The following MDM1 variants were observed in gnomAD, a reference collection of about 807,000 sequenced individuals.
The protein encoded by MDM1 is stabilizer of axonemal microtubules 6, also known as Mdm1 nuclear protein.
A neutral mutation model predicts 89.1 loss-of-function variants in MDM1; 61 were observed. The ratio of observed to expected loss-of-function variants is 0.68; its 90% CI spans 0.56 to 0.85. The LOEUF is 0.85. Among genes scored for constraint, MDM1 ranks in the 40% least tolerant of loss-of-function variants. The pLI, the probability that MDM1 is intolerant of heterozygous loss-of-function variation, is 0.00. For missense variants in MDM1, 820 were observed against 846.5 expected (o/e 0.97, Z 0.39); for synonymous variants, 290 against 294.1 (o/e 0.99, Z 0.14).
intron 10 of MDM1, 86 bp downstream of exon 10, chr12:68,314,862 A>C: frequency 1.7e-6 from 2 of 1,159,992 alleles, no homozygotes; most frequent in Non-Finnish European, 2.5e-6. Context: ...ATAAAATCAA[A>C]AGAGTAAACC....
At chr12:68,321,071 A>C in intron 7 of MDM1, 1 of 299,690 alleles carries the variant, frequency 3.3e-6, no homozygotes, top group Non-Finnish European at 6.1e-6. Context: ...TAATGATACA[A>C]TTCTATAAAT....
At chr12:68,311,212 G>A (rs963197969) in intron 12 of MDM1, among the ~76,000 whole-genome samples, 1 of 152,006 alleles carries the variant, frequency 6.6e-6, no homozygotes, top group African/African-American at 2.4e-5. Flanking sequence ...CTGCACTTCT[G>A]CAGCCAAACA....
intron 1 of MDM1, among the ~76,000 whole-genome samples, chr12:68,331,476 A>C (rs530878274): frequency 6.6e-6 from 1 of 152,298 alleles, no homozygotes; most frequent in Admixed American, 6.5e-5. Flanking sequence ...TTACCCTTTC[A>C]CTGATTATCT....
intron 14 of MDM1, among the ~76,000 whole-genome samples, chr12:68,296,290 G>A (rs1215350587): frequency 6.6e-6 from 1 of 152,218 alleles, no homozygotes. Context: ...ACAAGGTCAG[G>A]AGTTTGAGAC....
intron 14 of MDM1, among the ~76,000 whole-genome samples, chr12:68,296,295 T>C (rs548783931): frequency 1.5e-4 from 23 of 152,246 alleles, no homozygotes; most frequent in East Asian, 9.7e-4. Context: ...GTCAGGAGTT[T>C]GAGACCATCC....
At chr12:68,318,363 C>T (rs1874765663) in intron 7 of MDM1, among the ~76,000 whole-genome samples, 1 of 152,082 alleles carries the variant, frequency 6.6e-6, no homozygotes, top group Non-Finnish European at 1.5e-5. Context: ...TCCATGTACA[C>T]AGTCATCCAG....
intron 10 of MDM1, among the ~76,000 whole-genome samples, chr12:68,314,193 C>A (rs1484109407): frequency 6.8e-6 from 1 of 147,272 alleles, no homozygotes; most frequent in Non-Finnish European, 1.5e-5. Flanking sequence ...AAAAAAATAA[C>A]CACCAAATCC....
chr12:68,321,565 G>C lies in MDM1; in HGVS notation c.865C>G (p.Pro289Ala). ...AEMELKDLHQ[P>A]KRKLTPWKHQ... ...TTCCAAGGAGTAAGCTTCCTTTTAG[G>C]CTGGTGTAAGTCTTTTAATTCCATC... is the stretch of plus-strand genomic sequence containing the variant. Residue 289 changes from proline to alanine, a missense_variant, in exon 6 of 15, where the codon CCT becomes GCT. By Grantham distance (27) the Pro-to-Ala change is conservative (BLOSUM62 -1). Coordinates refer to ENST00000682720, the MANE Select transcript of MDM1 (RefSeq NM_001354969.2). 6.2e-7 allele frequency: 1 copy of C among 1,613,206 alleles called. No individual in the cohort carries two copies. Among genetic ancestry groups the C allele is most frequent in the Non-Finnish European group, 8.5e-7 (1 of 1,179,746 alleles).
intron 2 of MDM1, among the ~76,000 whole-genome samples, chr12:68,327,846 C>A (rs1322086662): frequency 6.6e-6 from 1 of 152,178 alleles, no homozygotes; most frequent in East Asian, 1.9e-4. Context: ...GACCACAGGT[C>A]TTCTCACTGG....
chr12:68,328,407 C>T (rs544198325), intron 2 of MDM1, among the ~76,000 whole-genome samples: 1 of 152,236 alleles, frequency 6.6e-6, no homozygotes, highest in East Asian at 1.9e-4. Flanking sequence ...GTTAGTTTGC[C>T]AATGAATACT....
At chr12:68,317,778 G>A (rs531260230) in intron 7 of MDM1, among the ~76,000 whole-genome samples, 1 of 152,178 alleles carries the variant, frequency 6.6e-6, no homozygotes, top group African/African-American at 2.4e-5. Flanking sequence ...CTTCTAACCA[G>A]GGTATTCTGA....
At chr12:68,317,377 A>G (rs1874636940) in intron 7 of MDM1, among the ~76,000 whole-genome samples, 1 of 152,128 alleles carries the variant, frequency 6.6e-6, no homozygotes, top group South Asian at 2.1e-4. Flanking sequence ...AAGACAGAAA[A>G]TCTTTATTCT....
chr12:68,323,102 TTC>T lies in MDM1; in HGVS notation c.770_771del (p.Arg257LysfsTer3), dbSNP rs1337566902. On this transcript the variant is annotated frameshift_variant, in exon 5 of 15. Transcript: ENST00000682720. LOFTEE classifies it high-confidence loss of function. The stretch of plus-strand genomic sequence containing the variant: ...CTTTCAGGAGACACTGTTTCAAGAT[TTC>T]TGTTTTCTCTCAAATCATTTCTTAA... ...PKLRNDLREN[R>X]NLETVSPERK... is the part of the protein sequence containing the mutation. 1 of 1,608,542 alleles carries T rather than the reference TTC, an allele frequency of 6.2e-7. No individual in the cohort carries two copies. The highest frequency in any genetic ancestry group is 1.1e-5 in the South Asian group (1 of 89,366).
rs200711441 is a variant in MDM1, at chr12:68,302,623, T to G, written c.1999A>C (p.Asn667His). 1.2e-6 allele frequency: 2 copies of G among 1,609,528 alleles called. No homozygotes were observed. Among genetic ancestry groups the G allele is most frequent in the East Asian group, 4.5e-5 (2 of 44,818 alleles). Reference protein sequence around the residue: ...GSLRDPEFQHNVGKARMNNLQ... With the variant: ...GSLRDPEFQHHVGKARMNNLQ... ...AAATTAAAACCAAAATAATTACCAT[T>G]GTGCTGAAACTCTGGATCTCTAAGA... The change falls in exon 13 of 15, where the codon AAT becomes CAT. Residue 667 changes from asparagine to histidine, a missense_variant. Physicochemically the swap from Asn to His is moderately conservative, Grantham distance 68. Coordinates refer to ENST00000682720, the MANE Select transcript of MDM1 (RefSeq NM_001354969.2).
chr12:68,326,304 A>G, intron 3 of MDM1: 1 of 1,307,392 alleles, frequency 7.6e-7, no homozygotes, highest in Non-Finnish European at 9.7e-7. Context: ...GGGGCTAGGT[A>G]GAAGTCAGCT....
intron 11 of MDM1, 37 bp from the exon 12 acceptor site, chr12:68,313,589 A>G (rs1033296283): frequency 1.9e-6 from 3 of 1,607,734 alleles, no homozygotes; most frequent in Non-Finnish European, 2.6e-6. Flanking sequence ...ATTACACTAA[A>G]TTAACATGTA....
Position 68,323,234 on chromosome 12 carries a change from G to T in MDM1, c.640C>A (p.His214Asn). The T allele has an allele frequency of 6.5e-7, 1 of 1,546,214 alleles. No individual in the cohort carries two copies. Among genetic ancestry groups the T allele is most frequent in the South Asian group, 1.3e-5 (1 of 78,754 alleles). The change falls in exon 5 of 15, where the codon CAC (histidine) becomes AAC (asparagine). Residue 214 changes from histidine (H) to asparagine (N), a missense_variant. His to Asn is a moderately conservative substitution (Grantham distance 68). Transcript: ENST00000682720. The stretch of plus-strand genomic sequence containing the variant: ...GGTGGAACAAACTGGCTTTTATTGT[G>T]GAAAACCTTAAAACAAAAATTATTT... ...APAFAANQVFHNKSQFVPPFK... is the reference protein window; with the variant it reads ...APAFAANQVFNNKSQFVPPFK...
At chr12:68,295,439 A>C in intron 14 of MDM1, 73 bp from the exon 15 acceptor site, 1 of 957,410 alleles carries the variant, frequency 1.0e-6, no homozygotes. Flanking sequence ...GTTTTATATA[A>C]CAGAAAATTA....
chr12:68,326,793 G>A lies in MDM1; in HGVS notation c.362C>T (p.Ser121Phe). 6.2e-7 allele frequency: 1 copy of A among 1,614,060 alleles called. No homozygotes were observed. The highest frequency in any genetic ancestry group is 8.5e-7 in the Non-Finnish European group (1 of 1,179,978). Residue 121 changes from serine to phenylalanine, a missense_variant, in exon 3 of 15, where the codon TCT (serine) becomes TTT (phenylalanine). Physicochemically the swap from Ser to Phe is radical, Grantham distance 155 (BLOSUM62 -2). Transcript: ENST00000682720. ...TTCAGCTCTGGAGTCTGCAGAGTGA[G>A]ATCTGGTTCTTTTGGGAACCCTGGA... Reference protein sequence around the residue: ...EASRVPKRTRSHSADSRAEGA... With the variant: ...EASRVPKRTRFHSADSRAEGA...
Sources: gnomAD v4.1 joint callset for allele counts (sites outside exome capture counted in the v4.1 genomes callset) on GRCh38, gnomAD v4.1.1 for gene constraint, MANE v1.5 for transcripts, NCBI Gene and HGNC (gene_info 2026-07-23, HGNC 2026-07-21) for gene names.